Variants in PLCL1 observed in about 807,000 individuals in gnomAD.
PLCL1 encodes the protein phospholipase C like 1 (inactive).
In PLCL1, 41 loss-of-function variants were observed where a neutral mutation model predicts 84.4. That is an observed-to-expected ratio of 0.49 (90% CI 0.38 to 0.63). The LOEUF is 0.63. PLCL1 is among the 30% of genes least tolerant of loss of function. The probability of loss-of-function intolerance (pLI) is 0.00; values close to 1 mark genes in which losing one functional copy is unlikely to be tolerated. For missense variants in PLCL1, 1,206 were observed against 1,367.8 expected (o/e 0.88, Z 1.87); for synonymous variants, 490 against 488.3 (o/e 1.00, Z -0.05).
chr2:198,071,561 A>C (rs1023794331), intron 1 of PLCL1, among the ~76,000 whole-genome samples: 1 of 151,872 alleles, frequency 6.6e-6, no homozygotes, highest in Non-Finnish European at 1.5e-5. Flanking sequence ...ATATATATAC[A>C]TAATGTATAA....
chr2:198,084,409 G>A lies in PLCL1; in HGVS notation c.892G>A (p.Val298Met), dbSNP rs1370287831. 1 of 1,614,160 alleles carries A rather than the reference G, an allele frequency of 6.2e-7. No individual in the cohort carries two copies. The highest frequency in any genetic ancestry group is 1.1e-5 in the South Asian group (1 of 91,082). Residue 298 changes from valine to methionine, a missense_variant, in exon 2 of 6, where the codon GTG becomes ATG. Physicochemically the swap from Val to Met is conservative, Grantham distance 21 (BLOSUM62 1). Coordinates refer to ENST00000428675, the MANE Select transcript of PLCL1 (RefSeq NM_006226.4). ...GAGCAAGGAAAAACTAACCACCCGC[G>A]TGACCGAAGAGGAATTTTGTGAAGC... The part of the protein sequence containing the change: ...QKSKEKLTTR[V>M]TEEEFCEAFC...
At chr2:197,848,507 G>A (rs6707521) in intron 1 of PLCL1, among the ~76,000 whole-genome samples, 27,222 of 152,088 alleles carry the variant, frequency 0.18, 2,542 homozygotes, top group East Asian at 0.27. Context: ...TGAAGACAAG[G>A]ACTAGGCCGA....
In PLCL1 at chr2:197,840,939, T is replaced by C. The variant is rs118067253; in HGVS notation, c.240+35600T>C. Among the ~76,000 whole-genome samples the C allele has an allele frequency of 1.3e-3, 193 of 152,336 alleles. 5 individuals are homozygous for C. The East Asian group carries it at 0.029, about 23-fold the overall frequency. ...GACTATAGAAGTACATTTCAAAATT[T>C]GGTGTAAGTCAGAAATAAAGTCCTG... On this transcript the variant is annotated intron_variant, in intron 1 of 5. Coordinates refer to ENST00000428675, the MANE Select transcript of PLCL1 (RefSeq NM_006226.4).
intron 5 of PLCL1, among the ~76,000 whole-genome samples, chr2:198,145,185 T>A (rs937758810): frequency 2.4e-4 from 37 of 152,222 alleles, no homozygotes; most frequent in Non-Finnish European, 4.0e-4. Context: ...CTTTTTTTTT[T>A]AAATTTATGT....
intron 1 of PLCL1, among the ~76,000 whole-genome samples, chr2:197,958,987 G>A (rs1242334722): frequency 2.0e-5 from 3 of 151,996 alleles, no homozygotes; most frequent in Admixed American, 1.3e-4. Flanking sequence ...GAGCTGCCAA[G>A]ATATATCATC....
In PLCL1 at chr2:198,086,248, A is replaced by G; in HGVS notation, c.2715+16A>G. The G allele has an allele frequency of 1.3e-6, 2 of 1,503,882 alleles. No individual in the cohort carries two copies. Among genetic ancestry groups the G allele is most frequent in the Non-Finnish European group, 1.8e-6 (2 of 1,084,874 alleles). The allele number at this position is 1,503,882 out of a possible 1,614,324, so 93.2% of individuals were successfully genotyped here. The stretch of plus-strand genomic sequence containing the variant: ...AAATATGCAGGTAGGAGAAACACTC[A>G]CACTCTCCTTCCCTATCCCTGCTTA... On this transcript the variant is annotated intron_variant, in intron 2 of 5. Coordinates refer to ENST00000428675, the MANE Select transcript of PLCL1 (RefSeq NM_006226.4).
At chr2:198,053,700 C>G (rs1160244402) in intron 1 of PLCL1, among the ~76,000 whole-genome samples, 1 of 152,076 alleles carries the variant, frequency 6.6e-6, no homozygotes, top group Non-Finnish European at 1.5e-5. Context: ...TTCAACTAGG[C>G]TGGTTGTGAT....
At chr2:197,847,447 T>C (rs890010386) in intron 1 of PLCL1, among the ~76,000 whole-genome samples, 2 of 152,200 alleles carry the variant, frequency 1.3e-5, no homozygotes, top group Non-Finnish European at 2.9e-5. Context: ...GAATGGCTTT[T>C]ATTTGACCTC....
chr2:197,922,557 C>A (rs1247449617), intron 1 of PLCL1, among the ~76,000 whole-genome samples: 2 of 132,422 alleles, frequency 1.5e-5, no homozygotes, highest in African/African-American at 2.7e-5. Flanking sequence ...GGTGGCCGGG[C>A]AGAGGGGCTC....
intron 1 of PLCL1, among the ~76,000 whole-genome samples, chr2:197,947,415 T>C (rs1266893104): frequency 3.3e-5 from 5 of 152,002 alleles, no homozygotes; most frequent in Non-Finnish European, 7.4e-5. Context: ...AAACAAATTT[T>C]CAGGTGCCGC....
At chr2:198,062,938 A>AC (rs906741260) in intron 1 of PLCL1, among the ~76,000 whole-genome samples, 7 of 151,890 alleles carry the variant, frequency 4.6e-5, no homozygotes, top group African/African-American at 1.7e-4. Context: ...TCTGAACCCC[A>AC]CCCCCAGATC....
intron 5 of PLCL1, among the ~76,000 whole-genome samples, chr2:198,129,985 C>G (rs1320485707): frequency 6.6e-6 from 1 of 151,866 alleles, no homozygotes; most frequent in African/African-American, 2.4e-5. Flanking sequence ...CTAAGCACTC[C>G]CTACTTTTTA....
intron 1 of PLCL1, among the ~76,000 whole-genome samples, chr2:197,978,563 G>A (rs1232602527): frequency 6.6e-6 from 1 of 152,156 alleles, no homozygotes; most frequent in Admixed American, 6.5e-5. Context: ...ACCAAAACTC[G>A]AAATAAGACA....
chr2:197,921,404 G>A (rs1688697341), intron 1 of PLCL1, among the ~76,000 whole-genome samples: 1 of 152,044 alleles, frequency 6.6e-6, no homozygotes. Flanking sequence ...TCAAAGTTTC[G>A]GGTGAAAAAT....
At chr2:197,893,494 G>A (rs918644969) in intron 1 of PLCL1, among the ~76,000 whole-genome samples, 1 of 152,306 alleles carries the variant, frequency 6.6e-6, no homozygotes, top group East Asian at 1.9e-4. Flanking sequence ...TTTATTCAAA[G>A]TGAGGTCCTT....
intron 1 of PLCL1, chr2:198,002,108 C>T: frequency 4.1e-6 from 1 of 244,842 alleles, no homozygotes; most frequent in Non-Finnish European, 8.5e-6. Flanking sequence ...AAAACCATCT[C>T]CACCCCCTGG....
chr2:198,031,381 A>G (rs144415278), intron 1 of PLCL1, among the ~76,000 whole-genome samples: 1 of 152,052 alleles, frequency 6.6e-6, no homozygotes, highest in African/African-American at 2.4e-5. Context: ...TTATATATAT[A>G]TAATATATAA....
chr2:197,890,701 T>TATATATATATATGTACAC (rs11270566), intron 1 of PLCL1, among the ~76,000 whole-genome samples: 4 of 118,544 alleles, frequency 3.4e-5, no homozygotes, highest in African/African-American at 1.5e-4. Context: ...TATATATATA[T>TATATATATATATGTACAC]ACACACACAC....
chr2:198,014,791 C>T (rs958493433), intron 1 of PLCL1, among the ~76,000 whole-genome samples: 11 of 151,962 alleles, frequency 7.2e-5, no homozygotes, highest in Non-Finnish European at 1.5e-4. Flanking sequence ...CTAGCTACAC[C>T]CTGTGGCAGT....
Sources: gnomAD v4.1 joint callset for allele counts (sites outside exome capture counted in the v4.1 genomes callset) on GRCh38, gnomAD v4.1.1 for gene constraint, MANE v1.5 for transcripts, NCBI Gene and HGNC (gene_info 2026-07-23, HGNC 2026-07-21) for gene names.